Variants in SPG7 observed in about 807,000 individuals in gnomAD.
SPG7 encodes SPG7 matrix AAA peptidase subunit, paraplegin, also known as mitochondrial inner membrane m-AAA protease component paraplegin.
A neutral mutation model predicts 81.9 loss-of-function variants in SPG7; 103 were observed. The observed-to-expected ratio is 1.26, with a 90% CI of 1.07 to 1.48. The LOEUF is 1.48. SPG7 is among the 40% of genes most tolerant of loss of function. SPG7 has a pLI of 0.00. For synonymous variants in SPG7, 534 were observed against 444.2 expected, an observed-to-expected ratio of 1.20 and a Z score of -2.54; for missense variants, 1,241 against 1,087.3, an observed-to-expected ratio of 1.14 and a Z score of -1.99.
chr16:89,524,759 T>G (rs1052624883), intron 4 of SPG7, among the ~76,000 whole-genome samples: 1 of 152,020 alleles, frequency 6.6e-6, no homozygotes, highest in African/African-American at 2.4e-5. Flanking sequence ...CTGGTAACTT[T>G]AGATTCCAAG....
At chr16:89,550,126 G>A in intron 12 of SPG7, 1 of 352,234 alleles carries the variant, frequency 2.8e-6, no homozygotes. Context: ...GCAGGAGCAG[G>A]GCCCAGCCAG....
intron 9 of SPG7, chr16:89,541,213 C>G (rs1293069887): frequency 2.0e-6 from 2 of 983,234 alleles, no homozygotes; most frequent in African/African-American, 1.8e-5. Flanking sequence ...AATAGAAGAG[C>G]TGAAACTGGT....
chr16:89,552,793 G>A, intron 13 of SPG7, 186 bp from the exon 14 acceptor site: 3 of 642,338 alleles, frequency 4.7e-6, no homozygotes, highest in Non-Finnish European at 8.5e-6. Flanking sequence ...CACCTGTGGT[G>A]GGAACGCTGC....
At chr16:89,531,574 A>T (rs1597632910) in intron 7 of SPG7, 1 of 355,686 alleles carries the variant, frequency 2.8e-6, no homozygotes, top group East Asian at 7.0e-5. Flanking sequence ...GGGTTTTTCC[A>T]TGTTGGCCAG....
intron 5 of SPG7, among the ~76,000 whole-genome samples, chr16:89,528,361 T>C (rs1472636819): frequency 1.4e-5 from 2 of 142,010 alleles, no homozygotes; most frequent in Admixed American, 7.4e-5. Context: ...CACTGCAGTC[T>C]GGCCTGGGTG....
chr16:89,523,420 T>C (rs1432285428), intron 3 of SPG7: 2 of 319,216 alleles, frequency 6.3e-6, no homozygotes, highest in Non-Finnish European at 1.2e-5. Context: ...TTGAGGCAGG[T>C]TGTGGTAAAA....
At chr16:89,530,038 C>T (rs1020122627) in intron 6 of SPG7, 1 of 301,294 alleles carries the variant, frequency 3.3e-6, no homozygotes, top group South Asian at 3.1e-5. Context: ...GGGGTTTCTC[C>T]ATGTTGTTCA....
At chr16:89,535,647 A>C (rs1357705652) in intron 9 of SPG7, among the ~76,000 whole-genome samples, 1 of 152,166 alleles carries the variant, frequency 6.6e-6, no homozygotes, top group Non-Finnish European at 1.5e-5. Context: ...GTGATGTCTG[A>C]GGTGTCACTG....
At chr16:89,537,901 T>G (rs906902950) in intron 9 of SPG7, 2 of 485,942 alleles carry the variant, frequency 4.1e-6, no homozygotes, top group Non-Finnish European at 5.4e-6. Flanking sequence ...AGCCGTGGAC[T>G]GCCTGCCAGG....
At chr16:89,524,491 T>G (rs980935752) in intron 4 of SPG7, among the ~76,000 whole-genome samples, 1 of 152,238 alleles carries the variant, frequency 6.6e-6, no homozygotes, top group Admixed American at 6.5e-5. Context: ...TTGGCCAGGC[T>G]GAAGCGCAGT....
At chr16:89,535,064 C>G (rs390849) in intron 9 of SPG7, among the ~76,000 whole-genome samples, 69,461 of 152,106 alleles carry the variant, frequency 0.46, 16,184 homozygotes, top group East Asian at 0.67. Flanking sequence ...TGACACTGTA[C>G]AGGCCAGTGA....
At chr16:89,539,274 T>C (rs141005466) in intron 9 of SPG7, 59 of 152,286 alleles carry the variant, frequency 3.9e-4, no homozygotes, top group African/African-American at 1.4e-3. Flanking sequence ...CCGGGCATGG[T>C]GGATCACCTG....
At chr16:89,526,641 AAT>A in intron 5 of SPG7, 173 bp downstream of exon 5, 1 of 703,460 alleles carries the variant, frequency 1.4e-6, no homozygotes, top group South Asian at 1.5e-5. Context: ...GAGATTTGGA[AAT>A]ATAGTTATCC....
chr16:89,538,416 G>A (rs139538461), intron 9 of SPG7: 2 of 152,466 alleles, frequency 1.3e-5, no homozygotes, highest in South Asian at 4.2e-4. Flanking sequence ...GGGACGGATG[G>A]ACAGGAGGAG....
At position 89,528,417 on chromosome 16, in the gene SPG7, A is replaced by T. The variant is rs377183790; in HGVS notation, c.759-1060A>T. On this transcript the variant is annotated intron_variant, in intron 5 of 16. Coordinates refer to ENST00000645818, the MANE Select transcript of SPG7 (RefSeq NM_003119.4). ...AAACAAAAAAAAAAAAAAAAGAAGA[A>T]GATGGAGGTTTGGGGCAGGCCCATT... Among the ~76,000 whole-genome samples the T allele has an allele frequency of 7.1e-4, 107 of 150,202 alleles. 1 individual carries two copies. The highest frequency in any genetic ancestry group is 3.4e-3 in the Admixed American group (51 of 15,024).
intron 9 of SPG7, chr16:89,540,465 A>G (rs2058480418): frequency 6.6e-6 from 1 of 152,166 alleles, no homozygotes; most frequent in African/African-American, 2.4e-5. Context: ...GCGCACCTGT[A>G]GTCTTAGCTG....
In SPG7 at chr16:89,547,388, G is replaced by A. The variant is rs186799099; in HGVS notation, c.1553-615G>A. The A allele has an allele frequency of 1.7e-5, 3 of 177,950 alleles. 1 individual carries two copies. Among genetic ancestry groups the A allele is most frequent in the South Asian group, 2.4e-4 (2 of 8,500 alleles). The allele number at this position is 177,950 out of a possible 1,614,324, so 11.0% of individuals were successfully genotyped here. A position where few individuals can be genotyped will look rare whatever the true frequency, so the allele number is the denominator to read the frequency against. On this transcript the variant is annotated intron_variant, in intron 11 of 16. Transcript: ENST00000645818. Reference sequence around the variant, plus strand: ...ACTGCCCTTGGGAGGAGAGACGGGCGTCAGGGCGGATGGAGCCTGGCGGTT... The same window carrying A: ...ACTGCCCTTGGGAGGAGAGACGGGCATCAGGGCGGATGGAGCCTGGCGGTT...
intron 9 of SPG7, chr16:89,537,820 G>T (rs921836768): frequency 2.1e-6 from 2 of 967,808 alleles, no homozygotes; most frequent in Non-Finnish European, 2.5e-6. Context: ...CCTGGTCCCA[G>T]TGTGACCCGG....
chr16:89,522,962 A>C (rs1209526139), intron 3 of SPG7: 1 of 152,826 alleles, frequency 6.5e-6, no homozygotes, highest in East Asian at 1.9e-4. Context: ...CCGCTGCTCC[A>C]GATCCCCTCT....
Sources: allele counts gnomAD v4.1 joint callset (sites outside exome capture counted in the v4.1 genomes callset), GRCh38; gene constraint gnomAD v4.1.1; transcripts MANE v1.5; gene names NCBI Gene and HGNC (gene_info 2026-07-23, HGNC 2026-07-21).